ZZEF1: variants seen among roughly 807,000 people sequenced by gnomAD.
ZZEF1 encodes the protein zinc finger ZZ-type and EF-hand domain-containing protein 1.
A neutral mutation model predicts 342.8 loss-of-function variants in ZZEF1; 157 were observed. That is an observed-to-expected ratio of 0.46 (90% CI 0.40 to 0.52). The LOEUF (loss-of-function observed/expected upper bound fraction) is 0.52, where lower values mean the gene tolerates loss of function less well. Ranked by LOEUF, ZZEF1 falls within the 20% of genes least tolerant of loss-of-function variation. ZZEF1 has a pLI of 0.00. For synonymous variants in ZZEF1, 1,505 were observed against 1,429.1 expected, an observed-to-expected ratio of 1.05 and a Z score of -1.20; for missense variants, 3,480 against 3,725.6, an observed-to-expected ratio of 0.93 and a Z score of 1.72.
chr17:4,124,073 A>T, intron 1 of ZZEF1, 22 bp from the exon 2 acceptor site: 4 of 1,591,546 alleles, frequency 2.5e-6, no homozygotes, highest in Non-Finnish European at 3.4e-6. Context: ...GAGATGCAAG[A>T]AAATCAGGGC....
Position 4,070,703 on chromosome 17 carries a change from A to G in ZZEF1, c.4056T>C (p.Tyr1352=), listed in dbSNP as rs758887540. ...AALVYRTPDL[Y]EKLQKYVNSG... ...AGTTACCATATTTTTGCAGCTTCTC[A>G]TATAAATCTGGAGTGCGATACACCA... The change falls in exon 26 of 55, where the codon TAT becomes TAC. Residue 1352 remains tyrosine (Y), a synonymous_variant. Transcript: ENST00000381638. 6.2e-7 allele frequency: 1 copy of G among 1,613,630 alleles called. No individual in the cohort carries two copies. The highest frequency in any genetic ancestry group is 1.1e-5 in the South Asian group (1 of 90,850).
chr17:4,045,301 G>T (rs1391883548), intron 37 of ZZEF1, among the ~76,000 whole-genome samples: 1 of 152,178 alleles, frequency 6.6e-6, no homozygotes, highest in Non-Finnish European at 1.5e-5. Context: ...ATGGAAAGTT[G>T]TTCCCAGAGG....
chr17:4,059,071 C>T (rs2057229602), intron 31 of ZZEF1, 100 bp downstream of exon 31: 1 of 1,034,716 alleles, frequency 9.7e-7, no homozygotes, highest in Non-Finnish European at 1.3e-6. Context: ...TTATTTTATT[C>T]TTTGTGCTTT....
intron 42 of ZZEF1, among the ~76,000 whole-genome samples, chr17:4,025,777 G>A (rs1156444253): frequency 1.3e-5 from 2 of 152,150 alleles, no homozygotes; most frequent in African/African-American, 4.8e-5. Context: ...TAAACAACCA[G>A]GACACTGAAA....
chr17:4,114,633 T>C (rs905962082), intron 3 of ZZEF1, among the ~76,000 whole-genome samples, 163 bp from the exon 4 acceptor site: 4 of 152,254 alleles, frequency 2.6e-5, no homozygotes, highest in Admixed American at 1.3e-4. Flanking sequence ...ATCAGTGTCA[T>C]GAGTGGGTTT....
chr17:4,128,074 G>A (rs1220425234), intron 1 of ZZEF1, among the ~76,000 whole-genome samples: 2 of 152,046 alleles, frequency 1.3e-5, no homozygotes, highest in South Asian at 2.1e-4. Flanking sequence ...GGCCAGATGC[G>A]GTGGCTCACG....
At chr17:4,038,468 C>A (rs1236623631) in intron 39 of ZZEF1, among the ~76,000 whole-genome samples, 1 of 152,174 alleles carries the variant, frequency 6.6e-6, no homozygotes, top group African/African-American at 2.4e-5. Context: ...AAACTAATCA[C>A]AATAACATGG....
At chr17:4,088,657 T>C in intron 13 of ZZEF1, 21 bp downstream of exon 13, 1 of 1,611,988 alleles carries the variant, frequency 6.2e-7, no homozygotes, top group Non-Finnish European at 8.5e-7. Context: ...GAATGCCGTC[T>C]AACAACTGAG....
At chr17:4,101,819 G>A (rs2058131795) in intron 9 of ZZEF1, among the ~76,000 whole-genome samples, 2 of 152,122 alleles carry the variant, frequency 1.3e-5, no homozygotes, top group South Asian at 2.1e-4. Context: ...TATTAGGGAT[G>A]GGGTTTCACC....
chr17:4,128,030 C>T (rs2058599985), intron 1 of ZZEF1, among the ~76,000 whole-genome samples: 1 of 152,040 alleles, frequency 6.6e-6, no homozygotes, highest in South Asian at 2.1e-4. Context: ...TGAGTAAAGC[C>T]TTAACATAAA....
intron 1 of ZZEF1, among the ~76,000 whole-genome samples, chr17:4,131,679 C>T (rs1427015384): frequency 6.6e-6 from 1 of 151,928 alleles, no homozygotes; most frequent in Admixed American, 6.6e-5. Context: ...AGTCGAGAGG[C>T]TGAGGTGGGA....
chr17:4,037,399 G>A lies in ZZEF1; in HGVS notation c.6307-3107C>T, dbSNP rs1415770299. ...GTGATTTTCCTGCCCAAGAGGCAAA[G>A]CCTGAATCTAATTATGAGGAGACAT... On this transcript the variant is annotated intron_variant, in intron 39 of 54. Transcript: ENST00000381638. Among the ~76,000 whole-genome samples the A allele has an allele frequency of 3.9e-5, 6 of 152,212 alleles. 1 individual carries two copies. The highest frequency in any genetic ancestry group is 1.4e-4 in the African/African-American group (6 of 41,452).
chr17:4,128,935 ATTTTTGCGTT>A (rs963358754), intron 1 of ZZEF1, among the ~76,000 whole-genome samples: 6 of 147,822 alleles, frequency 4.1e-5, no homozygotes, highest in African/African-American at 1.3e-4. Flanking sequence ...CGCCCAGCTA[ATTTTTGCGTT>A]TTTAGTAGAG....
At chr17:4,142,444 C>A (rs2058874727) in intron 1 of ZZEF1, 98 bp downstream of exon 1, 1 of 1,290,296 alleles carries the variant, frequency 7.8e-7, no homozygotes, top group Non-Finnish European at 1.1e-6. Flanking sequence ...TCATATGGGT[C>A]CCCGCCTGGC....
Position 4,088,775 on chromosome 17 carries a change from G to T in ZZEF1, c.2144C>A (p.Thr715Asn). 1 of 1,614,218 alleles carries T rather than the reference G, an allele frequency of 6.2e-7. No homozygotes were observed. Among genetic ancestry groups the T allele is most frequent in the Admixed American group, 1.7e-5 (1 of 60,024 alleles). The change falls in exon 13 of 55, where the codon ACC (threonine) becomes AAC (asparagine). Residue 715 changes from threonine (T) to asparagine (N), a missense_variant. Around this residue, in one of 5 missense-constraint regions of ZZEF1, gnomAD observed 1,528 missense variants for 1,624.1 expected, o/e 0.94. Transcript: ENST00000381638. ...TGTGTCCTTTCTGCAGTGTGCACAG[G>T]TGACGCTCTGTTCTGCTTCTGCTCT... ...PARAEAEQSV[T>N]CAHCRKDTEE...
chr17:4,120,791 C>CA lies in ZZEF1; in HGVS notation c.499+3115dup, dbSNP rs552588687. Among the ~76,000 whole-genome samples, 150 of 152,220 alleles carry CA rather than the reference C, an allele frequency of 9.9e-4. No homozygotes were observed. In the South Asian group the frequency reaches 0.011, roughly 11 times the overall value. ...CGTTGTATCTATGTTAAAAACAAAACAAAAACTTGTTCCTATGATGGAAAA... is the reference window on the plus strand; with the variant it reads ...CGTTGTATCTATGTTAAAAACAAAACAAAAAACTTGTTCCTATGATGGAAAA... On this transcript the variant is annotated intron_variant, in intron 2 of 54. Coordinates refer to ENST00000381638, the MANE Select transcript of ZZEF1 (RefSeq NM_015113.4).
chr17:4,063,466 G>A (rs1459764578), intron 29 of ZZEF1, among the ~76,000 whole-genome samples: 1 of 152,082 alleles, frequency 6.6e-6, no homozygotes, highest in East Asian at 1.9e-4. Context: ...TTTTATAAGT[G>A]GCAGCTACCC....
intron 10 of ZZEF1, among the ~76,000 whole-genome samples, 180 bp from the exon 11 acceptor site, chr17:4,096,159 C>G (rs544171753): frequency 6.6e-6 from 1 of 152,198 alleles, no homozygotes; most frequent in Non-Finnish European, 1.5e-5. Flanking sequence ...CCTTAACTTT[C>G]TCAATCCTTA....
At chr17:4,013,993 C>G (rs1266401009) in intron 51 of ZZEF1, 97 bp downstream of exon 51, 2 of 1,191,150 alleles carry the variant, frequency 1.7e-6, no homozygotes, top group Non-Finnish European at 2.4e-6. Flanking sequence ...CAAGTACCTG[C>G]TTTGATTTTA....
Sources: gnomAD v4.1 joint callset for allele counts (sites outside exome capture counted in the v4.1 genomes callset) on GRCh38, gnomAD v4.1.1 for gene constraint, gnomAD v4.1.1 regional missense constraint, MANE v1.5 for transcripts, NCBI Gene and HGNC (gene_info 2026-07-23, HGNC 2026-07-21) for gene names.